The following SOX5 variants were observed in gnomAD, a reference collection of about 807,000 sequenced individuals.
SOX5 encodes SRY-box transcription factor 5, also known as transcription factor SOX-5.
A neutral mutation model predicts 92.0 loss-of-function variants in SOX5; 9 were observed. The ratio of observed to expected loss-of-function variants is 0.10; its 90% CI spans 0.06 to 0.17. The LOEUF (loss-of-function observed/expected upper bound fraction) is 0.17, where lower values mean the gene tolerates loss of function less well. Ranked by LOEUF, SOX5 falls within the 10% of genes least tolerant of loss-of-function variation. SOX5 has a pLI of 1.00. For missense variants in SOX5, 642 were observed against 944.5 expected, an observed-to-expected ratio of 0.68 and a Z score of 4.20; for synonymous variants, 344 against 336.3, an observed-to-expected ratio of 1.02 and a Z score of -0.25.
intron 1 of SOX5, among the ~76,000 whole-genome samples, chr12:24,543,100 C>T (rs1952293083): frequency 6.6e-6 from 1 of 152,156 alleles, no homozygotes; most frequent in Non-Finnish European, 1.5e-5. Flanking sequence ...ATTTAAGATT[C>T]TATGCATTTG....
chr12:24,192,935 T>G (rs763427213), intron 4 of SOX5, among the ~76,000 whole-genome samples: 20 of 152,198 alleles, frequency 1.3e-4, no homozygotes, highest in Non-Finnish European at 2.5e-4. Flanking sequence ...TATTTGTCTT[T>G]TATATGTGTC....
intron 3 of SOX5, among the ~76,000 whole-genome samples, chr12:24,261,222 C>A (rs1227851513): frequency 6.6e-6 from 1 of 152,088 alleles, no homozygotes; most frequent in African/African-American, 2.4e-5. Flanking sequence ...TCTTTTCATA[C>A]TTTCATTATT....
intron 3 of SOX5, among the ~76,000 whole-genome samples, chr12:23,780,437 G>GTT (rs983430475): frequency 7.1e-6 from 1 of 141,120 alleles, no homozygotes; most frequent in Non-Finnish European, 1.6e-5. Flanking sequence ...GAGGTTTTTT[G>GTT]TTTTTTTTTT....
chr12:24,100,519 G>A (rs1945958019), intron 4 of SOX5, among the ~76,000 whole-genome samples: 1 of 151,998 alleles, frequency 6.6e-6, no homozygotes, highest in Non-Finnish European at 1.5e-5. Context: ...TGCTCTTAAA[G>A]GTGATTGCCT....
intron 1 of SOX5, among the ~76,000 whole-genome samples, chr12:24,510,190 C>T (rs1197648720): frequency 6.6e-6 from 1 of 152,162 alleles, no homozygotes; most frequent in Non-Finnish European, 1.5e-5. Flanking sequence ...AAAATAGATG[C>T]TTGTTCATCT....
At chr12:24,312,077 T>C (rs1949233375) in intron 2 of SOX5, among the ~76,000 whole-genome samples, 1 of 152,192 alleles carries the variant, frequency 6.6e-6, no homozygotes, top group African/African-American at 2.4e-5. Flanking sequence ...ATGAACAGAA[T>C]AAAACATAAC....
intron 4 of SOX5, among the ~76,000 whole-genome samples, chr12:23,754,834 C>A (rs2094310415): frequency 1.3e-5 from 2 of 151,720 alleles, no homozygotes; most frequent in South Asian, 4.1e-4. Flanking sequence ...CTAGTGATGT[C>A]TTAAATGTAT....
chr12:23,614,369 G>C (rs2076304918), intron 8 of SOX5, among the ~76,000 whole-genome samples: 1 of 152,176 alleles, frequency 6.6e-6, no homozygotes, highest in South Asian at 2.1e-4. Context: ...CCAGATGTGA[G>C]GTAAAGCTAT....
At chr12:24,329,445 G>T (rs895711623) in intron 2 of SOX5, among the ~76,000 whole-genome samples, 7 of 152,094 alleles carry the variant, frequency 4.6e-5, no homozygotes, top group Non-Finnish European at 8.8e-5. Context: ...CAACATGGGG[G>T]AAAAGGCCCC....
chr12:24,310,942 C>T (rs933575724), intron 2 of SOX5, among the ~76,000 whole-genome samples: 2 of 151,918 alleles, frequency 1.3e-5, no homozygotes, highest in East Asian at 3.9e-4. Flanking sequence ...ATTTCAGGAA[C>T]TACTTTTCGG....
intron 4 of SOX5, among the ~76,000 whole-genome samples, chr12:23,990,612 G>A (rs1216842314): frequency 6.6e-6 from 1 of 152,100 alleles, no homozygotes; most frequent in African/African-American, 2.4e-5. Context: ...TGCCAAGAAA[G>A]AACCATCATC....
At chr12:23,680,289 G>A (rs1159147717) in intron 6 of SOX5, among the ~76,000 whole-genome samples, 1 of 133,998 alleles carries the variant, frequency 7.5e-6, no homozygotes, top group African/African-American at 2.8e-5. Flanking sequence ...TCATGCCACT[G>A]CACTTCAGCC....
chr12:23,748,459 A>C (rs147930316), intron 4 of SOX5, among the ~76,000 whole-genome samples: 4 of 152,148 alleles, frequency 2.6e-5, no homozygotes, highest in African/African-American at 9.6e-5. Flanking sequence ...TATTTCCCCA[A>C]TATTGTTTTA....
At chr12:24,293,020 C>T (rs977292262) in intron 2 of SOX5, among the ~76,000 whole-genome samples, 1 of 152,092 alleles carries the variant, frequency 6.6e-6, no homozygotes, top group Non-Finnish European at 1.5e-5. Context: ...ATAATGTAGA[C>T]CCAATAGATC....
intron 10 of SOX5, among the ~76,000 whole-genome samples, chr12:23,572,257 T>C (rs1948483981): frequency 6.6e-6 from 1 of 152,208 alleles, no homozygotes; most frequent in Admixed American, 6.5e-5. Flanking sequence ...GGTTTAATAA[T>C]GGCATCACAC....
At chr12:24,226,157 A>G (rs1961907479) in intron 3 of SOX5, among the ~76,000 whole-genome samples, 1 of 152,190 alleles carries the variant, frequency 6.6e-6, no homozygotes, top group Non-Finnish European at 1.5e-5. Flanking sequence ...ATTTACTTTT[A>G]AAACATATAT....
At position 23,710,269 on chromosome 12, in the gene SOX5, C is replaced by G. The variant is rs148488514; in HGVS notation, c.810+24415G>C. On this transcript the variant is annotated intron_variant, in intron 6 of 14. Transcript: ENST00000451604. ...TATTTTTTTTATTATACTTTAAGTT[C>G]TAGGGTACATGTGCACAACGTGCAG... 6.0e-3 allele frequency among the ~76,000 whole-genome samples: 918 copies of G among 152,118 alleles called. 9 individuals carry two copies. The highest frequency in any genetic ancestry group is 0.021 in the African/African-American group (857 of 41,490).
chr12:23,679,456 T>C (rs2086234747), intron 6 of SOX5, among the ~76,000 whole-genome samples: 3 of 152,192 alleles, frequency 2.0e-5, no homozygotes, highest in Non-Finnish European at 4.4e-5. Context: ...GTATCAGATA[T>C]AGTTCTAACT....
intron 1 of SOX5, among the ~76,000 whole-genome samples, chr12:24,407,165 T>C (rs1213185704): frequency 3.3e-5 from 5 of 152,224 alleles, no homozygotes; most frequent in African/African-American, 1.2e-4. Flanking sequence ...CATGCCCCTA[T>C]GTGCCCAAGA....
Sources: allele counts gnomAD v4.1 joint callset (sites outside exome capture counted in the v4.1 genomes callset), GRCh38; gene constraint gnomAD v4.1.1; transcripts MANE v1.5; gene names NCBI Gene and HGNC (gene_info 2026-07-23, HGNC 2026-07-21).